The following ZC3H13 variants were observed in gnomAD, a reference collection of about 807,000 sequenced individuals.
ZC3H13 encodes the protein zinc finger CCCH-type containing 13.
In ZC3H13, 64 loss-of-function variants were observed where a neutral mutation model predicts 204.1. That is an observed-to-expected ratio of 0.31 (90% CI 0.26 to 0.39). The LOEUF is 0.39. ZC3H13 is among the 10% of genes least tolerant of loss of function. The pLI is 1.00. For synonymous variants in ZC3H13, 667 were observed against 693.7 expected (o/e 0.96, Z 0.60); for missense variants, 1,833 against 2,082.7 (o/e 0.88, Z 2.33).
In ZC3H13 at chr13:45,969,802, A is replaced by C. The variant is rs1017567038; in HGVS notation, c.2742T>G (p.Val914=). Residue 914 remains valine, a synonymous_variant, in exon 14 of 19, where the codon GTT becomes GTG. Coordinates refer to ENST00000679008, the MANE Select transcript of ZC3H13 (RefSeq NM_001330564.2). ...GTTCTCTCTGTTTATCTACAGAAGA[A>C]ACTTTCTCCTTGAGTTCCTGTTCTT... is the stretch of plus-strand genomic sequence containing the variant. ...RYEEQELKEK[V]SSVDKQREQT... The C allele has an allele frequency of 1.2e-6, 2 of 1,613,886 alleles. No homozygotes were observed. Among genetic ancestry groups the C allele is most frequent in the South Asian group, 1.1e-5 (1 of 91,080 alleles).
Position 46,048,050 on chromosome 13 carries a change from T to A in ZC3H13, c.-9-2534A>T, listed in dbSNP as rs552807519. ...GCTCAGTCTCCTTCAAAAAATTCAA[T>A]GGTAATGGTTTCCAGTTAGGACGAC... On this transcript the variant is annotated intron_variant, in intron 1 of 18. Coordinates refer to ENST00000679008, the MANE Select transcript of ZC3H13 (RefSeq NM_001330564.2). 3.8e-4 allele frequency among the ~76,000 whole-genome samples: 58 copies of A among 152,308 alleles called. 2 individuals are homozygous for A. The South Asian group carries it at 0.012, about 30-fold the overall frequency.
intron 4 of ZC3H13, among the ~76,000 whole-genome samples, chr13:46,028,039 G>A (rs112728048): frequency 7.2e-5 from 11 of 151,984 alleles, no homozygotes; most frequent in African/African-American, 1.7e-4. Context: ...AGATATTCTC[G>A]GAGTGGATGG....
chr13:46,020,493 G>A lies in ZC3H13; in HGVS notation c.404C>T (p.Pro135Leu). 2 of 1,610,782 alleles carry A rather than the reference G, an allele frequency of 1.2e-6. No homozygotes were observed. The highest frequency in any genetic ancestry group is 1.7e-6 in the Non-Finnish European group (2 of 1,178,648). ...TTCTACATTTTCTTCTTCACTTTCTGGAGTTCTTTCCTTAGTGATTTTTAT... is the reference window on the plus strand; with the variant it reads ...TTCTACATTTTCTTCTTCACTTTCTAGAGTTCTTTCCTTAGTGATTTTTAT... ...EDIKITKERT[P>L]ESEEENVEWE... Residue 135 changes from proline to leucine, a missense_variant, in exon 5 of 19, where the codon CCA becomes CTA. Pro to Leu is a moderately conservative substitution (Grantham distance 98, BLOSUM62 -3). Around this residue, in one of 5 missense-constraint regions of ZC3H13, gnomAD observed 1,574 missense variants for 1,757.2 expected, o/e 0.90. Coordinates refer to ENST00000679008, the MANE Select transcript of ZC3H13 (RefSeq NM_001330564.2).
intron 8 of ZC3H13, among the ~76,000 whole-genome samples, chr13:45,992,009 C>CA (rs1474071158): frequency 6.6e-6 from 1 of 152,028 alleles, no homozygotes; most frequent in African/African-American, 2.4e-5. Context: ...ATGTTTCTTT[C>CA]AAAAAATGGT....
intron 6 of ZC3H13, among the ~76,000 whole-genome samples, chr13:46,011,100 G>C (rs2041529276): frequency 6.6e-6 from 1 of 151,956 alleles, no homozygotes; most frequent in Non-Finnish European, 1.5e-5. Flanking sequence ...TTTTAGAAAA[G>C]AAACAAGGCA....
intron 16 of ZC3H13, 128 bp from the exon 17 acceptor site, chr13:45,964,170 T>C (rs1951898282): frequency 2.5e-6 from 2 of 791,510 alleles, no homozygotes; most frequent in African/African-American, 3.5e-5. Flanking sequence ...AAAAATGTCC[T>C]ATTCTTAAAA....
chr13:46,005,880 C>T (rs1276544678), intron 7 of ZC3H13, among the ~76,000 whole-genome samples: 6 of 151,864 alleles, frequency 4.0e-5, no homozygotes, highest in Non-Finnish European at 7.4e-5. Context: ...GATCGTGAGG[C>T]GGTCAGGAGT....
At chr13:46,032,362 C>CAAAAAAAAAAAAA (rs11323386) in intron 4 of ZC3H13, among the ~76,000 whole-genome samples, 1 of 99,658 alleles carries the variant, frequency 1.0e-5, no homozygotes, top group African/African-American at 3.5e-5. Flanking sequence ...AGAAAAAGAC[C>CAAAAAAAAAAAAA]AAAAAAAAAA....
Position 45,979,943 on chromosome 13 carries a change from G to A in ZC3H13, c.1782C>T (p.Asp594=). 6.2e-7 allele frequency: 1 copy of A among 1,612,216 alleles called. No individual in the cohort carries two copies. The change falls in exon 11 of 19, where the codon GAC becomes GAT. Residue 594 remains aspartate, a synonymous_variant. Transcript: ENST00000679008. Reference sequence around the variant, plus strand: ...GATAGCTACTTCGAGTTTCCCAGCTGTCATGATAGTTGCTATTACTACTGT... The same window carrying A: ...GATAGCTACTTCGAGTTTCCCAGCTATCATGATAGTTGCTATTACTACTGT... ...DSHSSNSNYH[D]SWETRSSYPE... is the part of the protein sequence containing the mutation.
At chr13:45,975,090 C>T in intron 12 of ZC3H13, among the ~76,000 whole-genome samples, 193 bp downstream of exon 12, 1 of 152,000 alleles carries the variant, frequency 6.6e-6, no homozygotes. Context: ...AAGGAATCTG[C>T]CTGCCTCGGC....
At position 45,985,610 on chromosome 13, in the gene ZC3H13, T is replaced by C; in HGVS notation, c.1407A>G (p.Glu469=). ...CCCGCATGTCTCTGGAGTCTCTTAG[T>C]TCCCTTCGGTCCCTAGTATCTCTGG... The part of the protein sequence containing the change: ...RDARDTRDRR[E]LRDSRDMRDS... The change falls in exon 10 of 19, where the codon GAA becomes GAG. Residue 469 remains glutamate, a synonymous_variant. Coordinates refer to ENST00000679008, the MANE Select transcript of ZC3H13 (RefSeq NM_001330564.2). 1 of 1,613,996 alleles carries C rather than the reference T, an allele frequency of 6.2e-7. No homozygotes were observed. The highest frequency in any genetic ancestry group is 2.2e-5 in the East Asian group (1 of 44,858).
Position 45,954,794 on chromosome 13 carries a change from C to T in ZC3H13, c.*2333G>A, listed in dbSNP as rs1951199372. 6.6e-6 allele frequency: 1 copy of T among 152,196 alleles called. No individual in the cohort carries two copies. The allele number at this position is 152,196 out of a possible 1,614,324, so 9.4% of individuals were successfully genotyped here. A position where few individuals can be genotyped will look rare whatever the true frequency, so the allele number is the denominator to read the frequency against. Reference sequence around the variant, plus strand: ...CATAAAATCCTAATGTAGTCATAGGCTAGGATGGTGACGACAATCTGCAAT... The same window carrying T: ...CATAAAATCCTAATGTAGTCATAGGTTAGGATGGTGACGACAATCTGCAAT... On this transcript the variant is annotated 3_prime_UTR_variant, in exon 19 of 19. Transcript: ENST00000679008.
chr13:45,974,814 G>A (rs1307400261), intron 12 of ZC3H13, among the ~76,000 whole-genome samples: 1 of 151,778 alleles, frequency 6.6e-6, no homozygotes, highest in Non-Finnish European at 1.5e-5. Flanking sequence ...ACTGATTCCT[G>A]TCTTAATTTA....
chr13:45,976,704 G>C (rs972905982), intron 11 of ZC3H13, among the ~76,000 whole-genome samples: 2 of 152,156 alleles, frequency 1.3e-5, no homozygotes, highest in Non-Finnish European at 2.9e-5. Context: ...AAACGTTTAA[G>C]AGGATGGCAT....
In ZC3H13 at chr13:45,985,607, T is replaced by G. The variant is rs1489667080; in HGVS notation, c.1410A>C (p.Leu470=). The G allele has an allele frequency of 6.2e-7, 1 of 1,614,010 alleles. No individual in the cohort carries two copies. The highest frequency in any genetic ancestry group is 1.1e-5 in the South Asian group (1 of 91,046). ...DARDTRDRRE[L]RDSRDMRDSR... ...AGTCCCGCATGTCTCTGGAGTCTCT[T>G]AGTTCCCTTCGGTCCCTAGTATCTC... The change falls in exon 10 of 19, where the codon CTA becomes CTC. Residue 470 remains leucine, a synonymous_variant. Coordinates refer to ENST00000679008, the MANE Select transcript of ZC3H13 (RefSeq NM_001330564.2).
At chr13:45,963,429 T>G (rs1566143708) in intron 17 of ZC3H13, 1 of 979,856 alleles carries the variant, frequency 1.0e-6, no homozygotes, top group Non-Finnish European at 1.2e-6. Context: ...TTAATTTGTT[T>G]TTTTTTTTTT....
intron 7 of ZC3H13, among the ~76,000 whole-genome samples, chr13:46,006,356 T>C (rs1239297436): frequency 6.6e-6 from 1 of 151,806 alleles, no homozygotes; most frequent in African/African-American, 2.4e-5. Flanking sequence ...TGCAAAAATA[T>C]AAAATAAAAT....
intron 1 of ZC3H13, among the ~76,000 whole-genome samples, chr13:46,047,727 TAAG>T (rs2044074061): frequency 6.6e-6 from 1 of 152,166 alleles, no homozygotes; most frequent in Non-Finnish European, 1.5e-5. Flanking sequence ...TCACAATGTA[TAAG>T]AAGTTTGAGA....
chr13:45,983,401 T>TATATATATATATATATATATATATA, intron 10 of ZC3H13, among the ~76,000 whole-genome samples: 41 of 35,484 alleles, frequency 1.2e-3, no homozygotes, highest in South Asian at 2.3e-3. Flanking sequence ...CCCCTTCTAC[T>TATATATATATATATATATATATATA]TATATATATA....
Sources: gnomAD v4.1 joint callset for allele counts (sites outside exome capture counted in the v4.1 genomes callset) on GRCh38, gnomAD v4.1.1 for gene constraint, gnomAD v4.1.1 regional missense constraint, MANE v1.5 for transcripts, NCBI Gene and HGNC (gene_info 2026-07-23, HGNC 2026-07-21) for gene names.